Variants in KIF26B observed in about 807,000 individuals in gnomAD.
The protein encoded by KIF26B is kinesin-like protein KIF26B.
In KIF26B, 63 loss-of-function variants were observed where a neutral mutation model predicts 151.2. The observed-to-expected ratio is 0.42, with a 90% CI of 0.34 to 0.51. The LOEUF is 0.51. KIF26B is among the 20% of genes least tolerant of loss of function. KIF26B has a pLI of 0.07. For synonymous variants in KIF26B, 1,357 were observed against 1,262.1 expected (o/e 1.08, Z -1.59); for missense variants, 2,813 against 2,913.6 (o/e 0.97, Z 0.79).
At chr1:245,387,739 C>T (rs1673587067) in intron 3 of KIF26B, among the ~76,000 whole-genome samples, 1 of 152,144 alleles carries the variant, frequency 6.6e-6, no homozygotes. Flanking sequence ...TTTCTGCTTC[C>T]CTAATATGCA....
intron 2 of KIF26B, among the ~76,000 whole-genome samples, chr1:245,180,473 A>G (rs373632407): frequency 2.5e-4 from 38 of 152,344 alleles, no homozygotes; most frequent in African/African-American, 8.7e-4. Context: ...TTTCAGGGTT[A>G]TAGGCAAATG....
intron 2 of KIF26B, among the ~76,000 whole-genome samples, chr1:245,169,694 TTGGG>T (rs1668677829): frequency 6.6e-6 from 1 of 152,104 alleles, no homozygotes; most frequent in Non-Finnish European, 1.5e-5. Flanking sequence ...AGGCATCCAC[TTGGG>T]GGAAGGAAGT....
intron 4 of KIF26B, among the ~76,000 whole-genome samples, chr1:245,483,204 C>A (rs777526994): frequency 7.9e-5 from 12 of 151,790 alleles, no homozygotes; most frequent in Non-Finnish European, 1.5e-4. Flanking sequence ...TGTCTCAGAA[C>A]CAGTCACAAT....
chr1:245,352,496 G>A lies in KIF26B; in HGVS notation c.466-14338G>A, dbSNP rs1672588325. Among the ~76,000 whole-genome samples the A allele has an allele frequency of 1.3e-5, 2 of 152,166 alleles. No homozygotes were observed. Among genetic ancestry groups the A allele is most frequent in the Admixed American group, 6.5e-5 (1 of 15,274 alleles). On this transcript the variant is annotated intron_variant, in intron 2 of 14. Transcript: ENST00000407071. The surrounding 1 kb of genome is among the most constrained non-coding windows in gnomAD (Gnocchi z 5.0). The stretch of plus-strand genomic sequence containing the variant: ...CCAGGTTGGTCTCAAACTCCTAACT[G>A]AAAGTAATCCATCAACCTTGGCCTC...
At chr1:245,608,991 C>T (rs2043488219) in intron 7 of KIF26B, among the ~76,000 whole-genome samples, 1 of 152,104 alleles carries the variant, frequency 6.6e-6, no homozygotes, top group South Asian at 2.1e-4. Flanking sequence ...TGGCCTCAAG[C>T]AATCCTCCCA....
intron 2 of KIF26B, among the ~76,000 whole-genome samples, chr1:245,271,136 A>T (rs142993690): frequency 4.6e-5 from 7 of 152,142 alleles, no homozygotes; most frequent in African/African-American, 1.7e-4. Context: ...CCAATGTCAT[A>T]CTGTTTTGAT....
At chr1:245,590,859 G>C (rs185766949) in intron 5 of KIF26B, among the ~76,000 whole-genome samples, 1 of 148,348 alleles carries the variant, frequency 6.7e-6, no homozygotes, top group Non-Finnish European at 1.5e-5. Flanking sequence ...AGTGAGCAGA[G>C]CTCACACCAG....
intron 10 of KIF26B, among the ~76,000 whole-genome samples, chr1:245,680,809 G>A (rs2044425483): frequency 1.3e-5 from 2 of 152,230 alleles, no homozygotes; most frequent in South Asian, 4.1e-4. Context: ...AAGATACTGA[G>A]TCGCCAGATG....
intron 10 of KIF26B, among the ~76,000 whole-genome samples, chr1:245,651,412 G>C (rs2044014079): frequency 6.6e-6 from 1 of 152,216 alleles, no homozygotes; most frequent in Non-Finnish European, 1.5e-5. Flanking sequence ...AGGAACTTCA[G>C]GACGAGCCTC....
At chr1:245,302,229 A>C (rs2102977980) in intron 2 of KIF26B, among the ~76,000 whole-genome samples, 1 of 152,362 alleles carries the variant, frequency 6.6e-6, no homozygotes, top group South Asian at 2.1e-4. Flanking sequence ...TAATCAAAGC[A>C]ACCGGATTAT....
At chr1:245,580,332 A>G (rs1284470188) in intron 5 of KIF26B, among the ~76,000 whole-genome samples, 2 of 152,172 alleles carry the variant, frequency 1.3e-5, no homozygotes, top group Non-Finnish European at 2.9e-5. Flanking sequence ...GCAAATGCAA[A>G]CAGAGAAAAA....
At chr1:245,439,424 C>T (rs960230794) in intron 4 of KIF26B, among the ~76,000 whole-genome samples, 5 of 151,170 alleles carry the variant, frequency 3.3e-5, no homozygotes, top group South Asian at 2.1e-4. Flanking sequence ...TGAGATGGGG[C>T]GAGAATTGTC....
rs575957440 is a variant in KIF26B at position 245,251,072 on chromosome 1, A to G, written c.465+94389A>G. 1.7e-4 allele frequency among the ~76,000 whole-genome samples: 26 copies of G among 152,338 alleles called. 1 individual carries two copies. In the South Asian group the frequency reaches 5.4e-3, roughly 32 times the overall value. The stretch of plus-strand genomic sequence containing the variant: ...GTTTCCCCAGCATCACATTATGACA[A>G]CAGGTGTGAAGTGTGTCTACCAGGA... On this transcript the variant is annotated intron_variant, in intron 2 of 14. Coordinates refer to ENST00000407071, the MANE Select transcript of KIF26B (RefSeq NM_018012.4).
chr1:245,606,866 C>G lies in KIF26B; in HGVS notation c.1558-785C>G, dbSNP rs1226008292. ...TCACCTGAGGTCAGGAGTTTGAGAC[C>G]AGCCTGACCAACGTGGTGAAACCCC... On this transcript the variant is annotated intron_variant, in intron 6 of 14. Coordinates refer to ENST00000407071, the MANE Select transcript of KIF26B (RefSeq NM_018012.4). The surrounding 1 kb of genome is among the most constrained non-coding windows in gnomAD (Gnocchi z 4.6). Among the ~76,000 whole-genome samples the G allele has an allele frequency of 6.6e-6, 1 of 151,940 alleles. No individual in the cohort carries two copies. Among genetic ancestry groups the G allele is most frequent in the Non-Finnish European group, 1.5e-5 (1 of 68,000 alleles).
chr1:245,589,804 G>A lies in KIF26B; in HGVS notation c.1351-12773G>A, dbSNP rs76101733. ...TACTGATCTAGGTGAAAGGCCAGAA[G>A]CAGTGGGATATTGAAATTCTCAGAA... On this transcript the variant is annotated intron_variant, in intron 5 of 14. Transcript: ENST00000407071. Among the ~76,000 whole-genome samples, 658 of 152,318 alleles carry A rather than the reference G, an allele frequency of 4.3e-3. 30 individuals carry two copies. The East Asian group carries it at 0.088, about 20-fold the overall frequency.
chr1:245,325,745 C>T (rs1413156830), intron 2 of KIF26B, among the ~76,000 whole-genome samples: 1 of 152,060 alleles, frequency 6.6e-6, no homozygotes, highest in Non-Finnish European at 1.5e-5. Context: ...TCCATTTCAT[C>T]CAGCCTTCTG....
chr1:245,454,010 T>C (rs1659457048), intron 4 of KIF26B, among the ~76,000 whole-genome samples: 3 of 152,164 alleles, frequency 2.0e-5, no homozygotes, highest in Admixed American at 1.3e-4. Flanking sequence ...TTCAATAACC[T>C]TCAGGCTGAA....
At chr1:245,624,264 T>C (rs2043698105) in intron 9 of KIF26B, among the ~76,000 whole-genome samples, 1 of 146,956 alleles carries the variant, frequency 6.8e-6, no homozygotes, top group Non-Finnish European at 1.5e-5. Flanking sequence ...TGGAATCTTA[T>C]CAATGTCTGG....
intron 2 of KIF26B, among the ~76,000 whole-genome samples, chr1:245,309,355 T>A (rs1671621207): frequency 6.6e-6 from 1 of 152,144 alleles, no homozygotes; most frequent in Non-Finnish European, 1.5e-5. Context: ...GTCGAAGGCC[T>A]GAGTAGAACT....
Sources: gnomAD v4.1 joint callset for allele counts (sites outside exome capture counted in the v4.1 genomes callset) on GRCh38, gnomAD v4.1.1 for gene constraint, Gnocchi (gnomAD v3.1) non-coding constraint, MANE v1.5 for transcripts, NCBI Gene and HGNC (gene_info 2026-07-23, HGNC 2026-07-21) for gene names.